Variants in KCNN1 observed in about 807,000 individuals in gnomAD.
KCNN1 encodes the protein small conductance calcium-activated potassium channel protein 1.
Under a neutral mutation model 44.7 loss-of-function variants are expected in KCNN1, and 20 were observed. The observed-to-expected ratio is 0.45, with a 90% CI of 0.32 to 0.65. The LOEUF (loss-of-function observed/expected upper bound fraction) is 0.65, where lower values mean the gene tolerates loss of function less well. Among genes scored for constraint, KCNN1 ranks in the 30% least tolerant of loss-of-function variants. The pLI, the probability that KCNN1 is intolerant of heterozygous loss-of-function variation, is 0.05. For missense variants in KCNN1, 632 were observed against 785.3 expected (o/e 0.80, Z 2.33); for synonymous variants, 324 against 341.7 (o/e 0.95, Z 0.57).
At chr19:17,997,915 A>C (rs1185913831) in intron 9 of KCNN1, among the ~76,000 whole-genome samples, 1 of 149,150 alleles carries the variant, frequency 6.7e-6, no homozygotes, top group East Asian at 2.0e-4. Flanking sequence ...AAAAAAAAAA[A>C]GAGAGAAAGA....
intron 3 of KCNN1, among the ~76,000 whole-genome samples, chr19:17,975,410 G>A (rs918073700): frequency 1.3e-5 from 2 of 152,178 alleles, no homozygotes; most frequent in Non-Finnish European, 2.9e-5. Context: ...AAAAGAACAG[G>A]TAGTGAGAAA....
Position 17,998,565 on chromosome 19 carries a change from C to A in KCNN1, c.*159C>A. ...CCGCCCAGACTGCCCAGGCAGAGGGCAGGGCTGGACCATGGGTGAGGGCAG... is the reference window on the plus strand; with the variant it reads ...CCGCCCAGACTGCCCAGGCAGAGGGAAGGGCTGGACCATGGGTGAGGGCAG... On this transcript the variant is annotated 3_prime_UTR_variant, in exon 10 of 10. Transcript: ENST00000684775. The surrounding 1 kb of genome is among the most constrained non-coding windows in gnomAD (Gnocchi z 5.4). 2.7e-6 allele frequency: 2 copies of A among 743,060 alleles called. No homozygotes were observed. The highest frequency in any genetic ancestry group is 4.1e-6 in the Non-Finnish European group (2 of 491,292). 46.0% of individuals were successfully genotyped at this position (743,060 alleles called of 1,614,324 possible).
rs778292677 is a variant in KCNN1 at position 17,973,911 on chromosome 19, G to A, written c.23G>A (p.Gly8Asp). 1 of 1,553,986 alleles carries A rather than the reference G, an allele frequency of 6.4e-7. No individual in the cohort carries two copies. Among genetic ancestry groups the A allele is most frequent in the Non-Finnish European group, 8.7e-7 (1 of 1,151,022 alleles). ...GTCATGAACAGCCACAGCTACAATG[G>A]CAGCGTGGGGCGGCCGCTGGGCAGC... MNSHSYNGSVGRPLGSGP... is the reference protein window; with the variant it reads MNSHSYNDSVGRPLGSGP... Residue 8 changes from glycine (G) to aspartate (D), a missense_variant, in exon 2 of 10, where the codon GGC becomes GAC. By Grantham distance (94) the Gly-to-Asp change is moderately conservative. Coordinates refer to ENST00000684775, the MANE Select transcript of KCNN1 (RefSeq NM_001386974.1).
Position 17,973,910 on chromosome 19 carries a change from G to A in KCNN1, c.22G>A (p.Gly8Ser). The A allele has an allele frequency of 1.9e-6, 3 of 1,553,940 alleles. No homozygotes were observed. The highest frequency in any genetic ancestry group is 2.6e-6 in the Non-Finnish European group (3 of 1,150,990). Residue 8 changes from glycine (G) to serine (S), a missense_variant, in exon 2 of 10, where the codon GGC becomes AGC. By Grantham distance (56) the Gly-to-Ser change is moderately conservative (BLOSUM62 0). Coordinates refer to ENST00000684775, the MANE Select transcript of KCNN1 (RefSeq NM_001386974.1). MNSHSYN[G>S]SVGRPLGSGP... Reference sequence around the variant, plus strand: ...AGTCATGAACAGCCACAGCTACAATGGCAGCGTGGGGCGGCCGCTGGGCAG... The same window carrying A: ...AGTCATGAACAGCCACAGCTACAATAGCAGCGTGGGGCGGCCGCTGGGCAG...
At chr19:17,992,741 C>T (rs979143708) in intron 7 of KCNN1, among the ~76,000 whole-genome samples, 3 of 152,192 alleles carry the variant, frequency 2.0e-5, no homozygotes, top group Non-Finnish European at 1.5e-5. Context: ...TGCCGGGGTG[C>T]GGATGGGCAG....
chr19:17,974,325 G>T lies in KCNN1; in HGVS notation c.402+35G>T, dbSNP rs2145927948. 2 of 1,513,640 alleles carry T rather than the reference G, an allele frequency of 1.3e-6. No homozygotes were observed. The highest frequency in any genetic ancestry group is 2.3e-5 in the East Asian group (1 of 43,230). The allele number at this position is 1,513,640 out of a possible 1,614,324, so 93.8% of individuals were successfully genotyped here. A position where few individuals can be genotyped will look rare whatever the true frequency, so the allele number is the denominator to read the frequency against. On this transcript the variant is annotated intron_variant, in intron 2 of 9. Coordinates refer to ENST00000684775, the MANE Select transcript of KCNN1 (RefSeq NM_001386974.1). This position sits in a 1 kb window ranked among gnomAD's most constrained non-coding sequence, Gnocchi z 7.3. The stretch of plus-strand genomic sequence containing the variant: ...GTCCTCCCCCAGGCACTCCAGGGAG[G>T]TTCCACCAAGCCCGCCTAGCTTTCT...
chr19:17,996,373 A>C (rs2032994222), intron 9 of KCNN1, among the ~76,000 whole-genome samples: 1 of 152,028 alleles, frequency 6.6e-6, no homozygotes, highest in Non-Finnish European at 1.5e-5. Context: ...TGGGAGGCAA[A>C]GGTGGGCGGA....
At chr19:17,978,012 T>C (rs1478891852) in intron 3 of KCNN1, among the ~76,000 whole-genome samples, 2 of 152,084 alleles carry the variant, frequency 1.3e-5, no homozygotes, top group African/African-American at 4.8e-5. Flanking sequence ...GGGCTCCCTT[T>C]TGGGGTGATG....
intron 3 of KCNN1, among the ~76,000 whole-genome samples, 176 bp from the exon 4 acceptor site, chr19:17,981,532 AT>A (rs2032404955): frequency 6.6e-6 from 1 of 150,428 alleles, no homozygotes; most frequent in African/African-American, 2.5e-5. Flanking sequence ...AGCCTGGGCG[AT>A]AAGAGCAAAA....
At chr19:17,964,810 G>T (rs768967454), upstream of KCNN1, among the ~76,000 whole-genome samples, 2 of 152,176 alleles carry the variant, frequency 1.3e-5, no homozygotes, top group Non-Finnish European at 2.9e-5. This position sits in a 1 kb window ranked among gnomAD's most constrained non-coding sequence, Gnocchi z 4.3. Flanking sequence ...GGCAGTCCCC[G>T]ATCCCTCAGG....
At position 17,987,794 on chromosome 19, in the gene KCNN1, C is replaced by T. The variant is rs150515219; in HGVS notation, c.1060-621C>T. 2.6e-4 allele frequency among the ~76,000 whole-genome samples: 37 copies of T among 142,016 alleles called. No homozygotes were observed. In the East Asian group the frequency reaches 6.3e-3, roughly 24 times the overall value. 93.2% of individuals were successfully genotyped at this position (142,016 alleles called of 152,430 possible). A position where few individuals can be genotyped will look rare whatever the true frequency, so the allele number is the denominator to read the frequency against. Reference sequence around the variant, plus strand: ...GGTGGATCATTTGAGGCCAGGTGTCCGAGACCAGCCTGGGCAACATAGTGA... The same window carrying T: ...GGTGGATCATTTGAGGCCAGGTGTCTGAGACCAGCCTGGGCAACATAGTGA... On this transcript the variant is annotated intron_variant, in intron 5 of 9. Coordinates refer to ENST00000684775, the MANE Select transcript of KCNN1 (RefSeq NM_001386974.1).
intron 1 of KCNN1, among the ~76,000 whole-genome samples, chr19:17,969,191 G>C (rs115682846): frequency 2.1e-3 from 324 of 152,260 alleles, no homozygotes; most frequent in African/African-American, 7.5e-3. Context: ...GCACTCATCA[G>C]TTCTGTGCTC....
At chr19:17,994,914 G>A (rs562582145) in intron 9 of KCNN1, among the ~76,000 whole-genome samples, 2 of 152,330 alleles carry the variant, frequency 1.3e-5, no homozygotes, top group African/African-American at 4.8e-5. Context: ...TCAAGTGCTT[G>A]AGATCTTTGC....
At position 17,973,852 on chromosome 19, in the gene KCNN1, G is replaced by C; in HGVS notation, c.-37G>C. Reference sequence around the variant, plus strand: ...CGCTGAGCCATGCCGGGCCCCGGGCGGCCTGCAGCGAGCCCAACCCCTGCA... The same window carrying C: ...CGCTGAGCCATGCCGGGCCCCGGGCCGCCTGCAGCGAGCCCAACCCCTGCA... On this transcript the variant is annotated 5_prime_UTR_variant, in exon 2 of 10. Transcript: ENST00000684775. 1 of 1,542,288 alleles carries C rather than the reference G, an allele frequency of 6.5e-7. No individual in the cohort carries two copies. Among genetic ancestry groups the C allele is most frequent in the Non-Finnish European group, 8.7e-7 (1 of 1,146,368 alleles).
At chr19:17,960,401 G>A (rs1031022174) in intron 2 of KCNN1, among the ~76,000 whole-genome samples, 10 of 151,956 alleles carry the variant, frequency 6.6e-5, no homozygotes, top group East Asian at 1.9e-4. Flanking sequence ...AGGCCGAGGC[G>A]GGTGGATCAC....
At chr19:17,973,664 G>A (rs1160316975) in intron 1 of KCNN1, 144 bp from the exon 2 acceptor site, 1 of 921,854 alleles carries the variant, frequency 1.1e-6, no homozygotes, top group Non-Finnish European at 1.5e-6. Context: ...GGCTGACTCA[G>A]ATGTTTCTGG....
chr19:17,998,323 AGGCCC>A lies in KCNN1; in HGVS notation c.1555_1559del (p.Gly519ArgfsTer63). The A allele has an allele frequency of 1.4e-6, 2 of 1,443,606 alleles. No homozygotes were observed. Among genetic ancestry groups the A allele is most frequent in the Non-Finnish European group, 1.8e-6 (2 of 1,093,910 alleles). 89.4% of individuals were successfully genotyped at this position (1,443,606 alleles called of 1,614,324 possible). On this transcript the variant is annotated frameshift_variant, in exon 10 of 10. Transcript: ENST00000684775. LOFTEE classifies it low-confidence loss of function (END_TRUNC). This position sits in a 1 kb window ranked among gnomAD's most constrained non-coding sequence, Gnocchi z 5.4. ...CCCACCCCCGCCTCCCCTGCCTCCC[AGGCCC>A]GGCCCCGGCCCCCAAGACCAGGCAG...
At position 17,983,598 on chromosome 19, in the gene KCNN1, G is replaced by A. The variant is rs901136371; in HGVS notation, c.917+1471G>A. 6.6e-6 allele frequency among the ~76,000 whole-genome samples: 1 copy of A among 152,084 alleles called. No individual in the cohort carries two copies. Among genetic ancestry groups the A allele is most frequent in the Non-Finnish European group, 1.5e-5 (1 of 67,978 alleles). ...TGGGTCCTTGCAGGGCTCTGGGGGG[G>A]TGGGGCACGGGGCAGGGCCGGCAGG... is the stretch of plus-strand genomic sequence containing the variant. On this transcript the variant is annotated intron_variant, in intron 4 of 9. Transcript: ENST00000684775. This position sits in a 1 kb window ranked among gnomAD's most constrained non-coding sequence, Gnocchi z 4.5.
At chr19:17,971,005 T>C (rs1246410867) in intron 1 of KCNN1, among the ~76,000 whole-genome samples, 1 of 151,836 alleles carries the variant, frequency 6.6e-6, no homozygotes, top group Non-Finnish European at 1.5e-5. Flanking sequence ...TGCCTCAGCC[T>C]CCCAAGTAGC....
Sources: allele counts gnomAD v4.1 joint callset (sites outside exome capture counted in the v4.1 genomes callset), GRCh38; gene constraint gnomAD v4.1.1; non-coding constraint Gnocchi (gnomAD v3.1); transcripts MANE v1.5; gene names NCBI Gene and HGNC (gene_info 2026-07-23, HGNC 2026-07-21).